The following GPC5 variants were observed in gnomAD, a reference collection of about 807,000 sequenced individuals.
GPC5 encodes the protein glypican 5, also known as glypican-5.
In GPC5, 47 loss-of-function variants were observed where a neutral mutation model predicts 53.9. The observed-to-expected ratio is 0.87, with a 90% CI of 0.69 to 1.11. The LOEUF (loss-of-function observed/expected upper bound fraction) is 1.11. Among genes scored for constraint, GPC5 ranks in the 50% most tolerant of loss-of-function variants. The probability of loss-of-function intolerance (pLI) is 0.00; values close to 1 mark genes in which losing one functional copy is unlikely to be tolerated. For missense variants in GPC5, 748 were observed against 713.1 expected (o/e 1.05, Z -0.56); for synonymous variants, 286 against 263.3 (o/e 1.09, Z -0.84).
rs547660030 is a variant in GPC5 at position 91,420,646 on chromosome 13, A to G, written c.163+21437A>G. ...ATGGTTTGGTTCTGTGTCCCCACCC[A>G]AATCTCATCTAGAATTTTAATCCCC... On this transcript the variant is annotated intron_variant, in intron 1 of 7. Transcript: ENST00000377067. 3.3e-5 allele frequency among the ~76,000 whole-genome samples: 5 copies of G among 152,312 alleles called. No homozygotes were observed. The South Asian group carries it at 1.0e-3, about 32-fold the overall frequency.
chr13:91,959,661 T>C (rs1219102856), intron 6 of GPC5, among the ~76,000 whole-genome samples: 1 of 151,920 alleles, frequency 6.6e-6, no homozygotes, highest in East Asian at 1.9e-4. Context: ...ACTAGCAAAC[T>C]AAATTCCATA....
chr13:92,187,872 T>C (rs191852485), intron 7 of GPC5, among the ~76,000 whole-genome samples: 7 of 152,328 alleles, frequency 4.6e-5, no homozygotes, highest in Admixed American at 4.6e-4. Flanking sequence ...TAAAGAACAG[T>C]ATGACTAAAT....
At position 91,967,339 on chromosome 13, in the gene GPC5, T is replaced by G. The variant is rs553856961; in HGVS notation, c.1401+59282T>G. ...AGATAAGATTTGGGTGGTGACACAG[T>G]TAAACCATATTACATATTTATCTTG... is the stretch of plus-strand genomic sequence containing the variant. On this transcript the variant is annotated intron_variant, in intron 6 of 7. Transcript: ENST00000377067. Among the ~76,000 whole-genome samples, 481 of 152,296 alleles carry G rather than the reference T, an allele frequency of 3.2e-3. 3 individuals are homozygous for G. Among genetic ancestry groups the G allele is most frequent in the African/African-American group, 0.011 (460 of 41,568 alleles).
chr13:91,768,412 A>G (rs888460813), intron 5 of GPC5, among the ~76,000 whole-genome samples: 1 of 152,186 alleles, frequency 6.6e-6, no homozygotes, highest in African/African-American at 2.4e-5. Flanking sequence ...TACATGATTA[A>G]TATTTTTTGT....
rs780459064 is a variant in GPC5 at position 91,491,287 on chromosome 13, C to T, written c.325+42365C>T. Among the ~76,000 whole-genome samples the T allele has an allele frequency of 1.4e-4, 22 of 152,178 alleles. 1 individual carries two copies. The highest frequency in any genetic ancestry group is 3.2e-4 in the Non-Finnish European group (22 of 68,046). On this transcript the variant is annotated intron_variant, in intron 2 of 7. Transcript: ENST00000377067. ...ATGAATTATGTTTACTCCTCTCTGC[C>T]TTTATCCCCACAGTTATTATATGAC... is the stretch of plus-strand genomic sequence containing the variant.
At chr13:92,145,684 G>T (rs1047597961) in intron 7 of GPC5, among the ~76,000 whole-genome samples, 3 of 152,002 alleles carry the variant, frequency 2.0e-5, no homozygotes, top group African/African-American at 4.8e-5. Flanking sequence ...GTTCATATGG[G>T]CAAAACAACA....
intron 7 of GPC5, among the ~76,000 whole-genome samples, chr13:92,857,011 T>G (rs116160911): frequency 0.013 from 2,012 of 152,046 alleles, 57 homozygotes; most frequent in African/African-American, 0.046. Context: ...AAAGCCTGAA[T>G]AGCCAAAGCA....
chr13:92,658,132 A>G (rs1886202406), intron 7 of GPC5, among the ~76,000 whole-genome samples: 1 of 152,160 alleles, frequency 6.6e-6, no homozygotes, highest in African/African-American at 2.4e-5. Context: ...TGTAGGCATT[A>G]GTCACTAGAC....
At chr13:92,826,527 C>G (rs1214775338) in intron 7 of GPC5, among the ~76,000 whole-genome samples, 2 of 152,054 alleles carry the variant, frequency 1.3e-5, no homozygotes, top group African/African-American at 2.4e-5. Context: ...GATAATAAAC[C>G]TGTGTTGTTT....
At chr13:91,991,651 T>G (rs532300869) in intron 6 of GPC5, among the ~76,000 whole-genome samples, 1 of 152,298 alleles carries the variant, frequency 6.6e-6, no homozygotes, top group African/African-American at 2.4e-5. Flanking sequence ...TTACAGACTT[T>G]TTTTGAATTC....
chr13:92,493,712 A>C (rs1409012135), intron 7 of GPC5, among the ~76,000 whole-genome samples: 1 of 152,180 alleles, frequency 6.6e-6, no homozygotes, highest in East Asian at 1.9e-4. Flanking sequence ...AGAGGCATAG[A>C]GGCATTGTAA....
chr13:92,730,781 T>C (rs1475377280), intron 7 of GPC5, among the ~76,000 whole-genome samples: 2 of 151,374 alleles, frequency 1.3e-5, no homozygotes, highest in Admixed American at 6.6e-5. Context: ...AACTGGCAAA[T>C]GCAAGTAGGT....
At chr13:91,775,361 C>A (rs891498322) in intron 5 of GPC5, among the ~76,000 whole-genome samples, 2 of 152,112 alleles carry the variant, frequency 1.3e-5, no homozygotes, top group Non-Finnish European at 2.9e-5. Flanking sequence ...ACTTGGGCCT[C>A]ATTTTTCCCC....
At chr13:92,385,998 A>G (rs1436888908) in intron 7 of GPC5, among the ~76,000 whole-genome samples, 1 of 151,760 alleles carries the variant, frequency 6.6e-6, no homozygotes, top group African/African-American at 2.4e-5. Flanking sequence ...AATGTAATGA[A>G]GCATAGAATA....
chr13:92,378,632 T>G (rs965765667), intron 7 of GPC5, among the ~76,000 whole-genome samples: 4 of 152,186 alleles, frequency 2.6e-5, no homozygotes, highest in Non-Finnish European at 5.9e-5. Flanking sequence ...TTTTATCATC[T>G]ATTAAACTAA....
At chr13:92,510,541 T>C (rs1344636965) in intron 7 of GPC5, among the ~76,000 whole-genome samples, 1 of 152,212 alleles carries the variant, frequency 6.6e-6, no homozygotes, top group Non-Finnish European at 1.5e-5. Flanking sequence ...TCAATTGCAA[T>C]GTTGACTATT....
chr13:91,753,889 C>T (rs756225365), intron 4 of GPC5, among the ~76,000 whole-genome samples: 3 of 152,136 alleles, frequency 2.0e-5, no homozygotes, highest in Non-Finnish European at 2.9e-5. Flanking sequence ...ACTGTATTAT[C>T]ATTGTAGGTT....
intron 7 of GPC5, among the ~76,000 whole-genome samples, chr13:92,368,634 TAAAAAA>T (rs34793615): frequency 7.5e-4 from 50 of 66,354 alleles, no homozygotes; most frequent in African/African-American, 2.9e-3. Context: ...AAGACTGTCT[TAAAAAA>T]AAAAAAAAAA....
chr13:92,452,756 A>G (rs1190500904), intron 7 of GPC5, among the ~76,000 whole-genome samples: 4 of 152,108 alleles, frequency 2.6e-5, no homozygotes, highest in Non-Finnish European at 5.9e-5. Context: ...TTTAGTGGTG[A>G]CGGGGTTTCA....
Sources: allele counts gnomAD v4.1 joint callset (sites outside exome capture counted in the v4.1 genomes callset), GRCh38; gene constraint gnomAD v4.1.1; transcripts MANE v1.5; gene names NCBI Gene and HGNC (gene_info 2026-07-23, HGNC 2026-07-21).